The following TCAIM variants were observed in gnomAD, a reference collection of about 807,000 sequenced individuals.
The protein encoded by TCAIM is T cell activation inhibitor, mitochondrial.
Under a neutral mutation model 58.6 loss-of-function variants are expected in TCAIM, and 36 were observed. That is an observed-to-expected ratio of 0.61 (90% confidence interval 0.47 to 0.81). The LOEUF (loss-of-function observed/expected upper bound fraction) is 0.81, where lower values mean the gene tolerates loss of function less well. Among genes scored for constraint, TCAIM ranks in the 30% least tolerant of loss-of-function variants. The pLI is 0.00. For missense variants in TCAIM, 466 were observed against 579.6 expected, an observed-to-expected ratio of 0.80 and a Z score of 2.01; for synonymous variants, 172 against 193.6, an observed-to-expected ratio of 0.89 and a Z score of 0.93.
chr3:44,377,391 T>C (rs73090444), intron 5 of TCAIM, among the ~76,000 whole-genome samples: 27,486 of 152,044 alleles, frequency 0.18, 2,735 homozygotes, highest in Middle Eastern at 0.29. Flanking sequence ...TGGACTGAAT[T>C]GAAGAGAGAA....
chr3:44,366,534 C>A (rs1323649246), intron 4 of TCAIM, among the ~76,000 whole-genome samples: 1 of 147,644 alleles, frequency 6.8e-6, no homozygotes, highest in African/African-American at 2.5e-5. Context: ...GGCACGATCT[C>A]GGCTCACTGC....
Position 44,407,475 on chromosome 3 carries a change from A to AT in TCAIM, c.1285dup (p.Ser429PhefsTer12). 1 of 1,596,112 alleles carries AT rather than the reference A, an allele frequency of 6.3e-7. No individual in the cohort carries two copies. Among genetic ancestry groups the AT allele is most frequent in the Non-Finnish European group, 8.6e-7 (1 of 1,164,504 alleles). ...TTATTGAAAATGAATTGATACAGGCATCAACAAAGAAATTTTCTTTGGAGA... is the reference window on the plus strand; with the variant it reads ...TTATTGAAAATGAATTGATACAGGCATTCAACAAAGAAATTTTCTTTGGAGA... On this transcript the variant is annotated frameshift_variant, in exon 11 of 11. Coordinates refer to ENST00000342649, the MANE Select transcript of TCAIM (RefSeq NM_173826.4). LOFTEE classifies it high-confidence loss of function.
intron 5 of TCAIM, among the ~76,000 whole-genome samples, chr3:44,370,475 A>G (rs1232614949): frequency 2.0e-5 from 3 of 146,524 alleles, no homozygotes; most frequent in East Asian, 2.0e-4. Context: ...AAAAAAAACC[A>G]CTGTTTTAGA....
intron 1 of TCAIM, chr3:44,340,636 A>T (rs892786302): frequency 6.6e-6 from 1 of 151,994 alleles, no homozygotes; most frequent in Non-Finnish European, 1.5e-5. Context: ...ACATTAACAG[A>T]TGCCCCAGAA....
rs146005535 is a variant in TCAIM at position 44,400,498 on chromosome 3, T to C, written c.1029T>C (p.Ser343=). The C allele has an allele frequency of 2.7e-5, 43 of 1,613,644 alleles. No homozygotes were observed. The highest frequency in any genetic ancestry group is 3.5e-5 in the Non-Finnish European group (41 of 1,179,848). ...TATTGACACTTGAAGAATATTACTC[T>C]CTTCTTGATGTGTTTTATAATAGAC... ...QPVLTLEEYY[S]LLDVFYNRLL... is the part of the protein sequence containing the mutation. Residue 343 remains serine, a synonymous_variant, in exon 9 of 11, where the codon TCT becomes TCC. Coordinates refer to ENST00000342649, the MANE Select transcript of TCAIM (RefSeq NM_173826.4).
At chr3:44,355,899 T>C (rs1364810519) in intron 2 of TCAIM, among the ~76,000 whole-genome samples, 2 of 152,204 alleles carry the variant, frequency 1.3e-5, no homozygotes. Flanking sequence ...CGTTGGGAAA[T>C]GAGAACGGAA....
At chr3:44,381,148 A>G (rs1701648834) in intron 5 of TCAIM, among the ~76,000 whole-genome samples, 2 of 152,208 alleles carry the variant, frequency 1.3e-5, no homozygotes, top group Admixed American at 1.3e-4. Context: ...AAGGCAGACA[A>G]AGACACTACA....
chr3:44,356,045 G>T (rs1164058712), intron 2 of TCAIM, among the ~76,000 whole-genome samples: 1 of 152,120 alleles, frequency 6.6e-6, no homozygotes, highest in Non-Finnish European at 1.5e-5. Context: ...CTTTATAAAA[G>T]GTTCAAATAT....
At chr3:44,404,232 T>A (rs540366503) in intron 10 of TCAIM, among the ~76,000 whole-genome samples, 6 of 151,956 alleles carry the variant, frequency 3.9e-5, no homozygotes, top group Non-Finnish European at 8.8e-5. Context: ...TGCACTCCCC[T>A]CTCCACCTCA....
At chr3:44,396,932 G>A in intron 8 of TCAIM, 98 bp downstream of exon 8, 1 of 1,151,284 alleles carries the variant, frequency 8.7e-7, no homozygotes, top group Non-Finnish European at 1.2e-6. Context: ...GGTTTGTTGT[G>A]TTTTTGTTTT....
intron 1 of TCAIM, among the ~76,000 whole-genome samples, chr3:44,349,294 G>T (rs1701036633): frequency 6.6e-6 from 1 of 152,146 alleles, no homozygotes; most frequent in South Asian, 2.1e-4. Flanking sequence ...TTTACTACAA[G>T]AATTATCTAG....
intron 5 of TCAIM, among the ~76,000 whole-genome samples, chr3:44,381,207 A>G (rs1173870598): frequency 1.3e-5 from 2 of 152,194 alleles, no homozygotes; most frequent in African/African-American, 4.8e-5. Context: ...TAATACAAAA[A>G]GCTTCAAAAA....
intron 1 of TCAIM, among the ~76,000 whole-genome samples, chr3:44,354,191 T>C (rs891945300): frequency 1.3e-5 from 2 of 152,258 alleles, no homozygotes; most frequent in Non-Finnish European, 2.9e-5. Flanking sequence ...TCCACTGGAT[T>C]GCCTTTGTTC....
intron 4 of TCAIM, among the ~76,000 whole-genome samples, chr3:44,365,659 C>T (rs1326752824): frequency 3.9e-5 from 6 of 152,020 alleles, no homozygotes; most frequent in South Asian, 2.1e-4. Context: ...AGCACATAGA[C>T]GGAAAAGGTC....
At chr3:44,399,098 G>A (rs571923309) in intron 8 of TCAIM, among the ~76,000 whole-genome samples, 5 of 152,116 alleles carry the variant, frequency 3.3e-5, no homozygotes, top group African/African-American at 7.2e-5. Context: ...AGTGTCACAC[G>A]GCTCTGTACA....
chr3:44,402,582 A>T (rs1218803127), intron 10 of TCAIM, among the ~76,000 whole-genome samples: 3 of 152,158 alleles, frequency 2.0e-5, no homozygotes, highest in Non-Finnish European at 4.4e-5. Context: ...CTTAGCCAGC[A>T]TTTACTGTGA....
At chr3:44,378,044 A>G (rs751229497) in intron 5 of TCAIM, among the ~76,000 whole-genome samples, 1 of 152,280 alleles carries the variant, frequency 6.6e-6, no homozygotes, top group South Asian at 2.1e-4. Context: ...TTCAAACTAT[A>G]TATCTGACAA....
At chr3:44,392,549 TC>T (rs1223270767) in intron 5 of TCAIM, among the ~76,000 whole-genome samples, 1 of 152,186 alleles carries the variant, frequency 6.6e-6, no homozygotes. Context: ...ATCATTTAGC[TC>T]CCGTTTATAA....
chr3:44,356,093 G>A lies in TCAIM; in HGVS notation c.29+1282G>A, dbSNP rs554644114. Among the ~76,000 whole-genome samples, 86 of 152,290 alleles carry A rather than the reference G, an allele frequency of 5.6e-4. 1 individual carries two copies. The South Asian group carries it at 0.016, about 29-fold the overall frequency. ...AAAGATAATCTGCAAATAGGTTGGT[G>A]GTCTCCAGATTGTTTAAAAATCACC... On this transcript the variant is annotated intron_variant, in intron 2 of 10. Coordinates refer to ENST00000342649, the MANE Select transcript of TCAIM (RefSeq NM_173826.4).
Sources: allele counts gnomAD v4.1 joint callset (sites outside exome capture counted in the v4.1 genomes callset), GRCh38; gene constraint gnomAD v4.1.1; transcripts MANE v1.5; gene names NCBI Gene and HGNC (gene_info 2026-07-23, HGNC 2026-07-21).